Variants in ALX4 observed in about 807,000 individuals in gnomAD.
ALX4 encodes the protein ALX homeobox 4, also known as homeobox protein aristaless-like 4.
ALX4 carries 22 observed loss-of-function variants against 40.6 expected under a neutral mutation model. The observed-to-expected ratio is 0.54, with a 90% CI of 0.39 to 0.77. The LOEUF (loss-of-function observed/expected upper bound fraction) is 0.77, where lower values mean the gene tolerates loss of function less well. Among genes scored for constraint, ALX4 ranks in the 30% least tolerant of loss-of-function variants. The pLI, the probability that ALX4 is intolerant of heterozygous loss-of-function variation, is 0.00. For missense variants in ALX4, 556 were observed against 564.8 expected, an observed-to-expected ratio of 0.98 and a Z score of 0.16; for synonymous variants, 266 against 240.5, an observed-to-expected ratio of 1.11 and a Z score of -0.98.
intron 1 of ALX4, among the ~76,000 whole-genome samples, chr11:44,281,814 T>G (rs1956312112): frequency 6.6e-6 from 1 of 152,098 alleles, no homozygotes; most frequent in Admixed American, 6.6e-5. Context: ...GCCAAAGGGG[T>G]AGTAGTGACT....
At chr11:44,282,741 T>C (rs1398139305) in intron 1 of ALX4, among the ~76,000 whole-genome samples, 1 of 152,148 alleles carries the variant, frequency 6.6e-6, no homozygotes, top group Admixed American at 6.5e-5. Context: ...GAAGTGCAAC[T>C]GCACTCAGCT....
intron 1 of ALX4, among the ~76,000 whole-genome samples, chr11:44,282,164 A>G (rs536375320): frequency 9.2e-5 from 14 of 152,366 alleles, no homozygotes; most frequent in Admixed American, 3.3e-4. Flanking sequence ...AGTGTAGTTA[A>G]TAGTAATATT....
chr11:44,300,760 T>C (rs965984316), intron 1 of ALX4, among the ~76,000 whole-genome samples: 2 of 152,082 alleles, frequency 1.3e-5, no homozygotes, highest in Non-Finnish European at 2.9e-5. Context: ...ACTATTTCCA[T>C]AGAAAAACCA....
intron 1 of ALX4, among the ~76,000 whole-genome samples, chr11:44,290,346 C>G (rs1322539291): frequency 6.6e-6 from 1 of 152,238 alleles, no homozygotes; most frequent in Admixed American, 6.5e-5. Context: ...TGGGCTTGGC[C>G]CCTGGCTCTG....
At chr11:44,304,089 G>A (rs1458366726) in intron 1 of ALX4, among the ~76,000 whole-genome samples, 2 of 151,792 alleles carry the variant, frequency 1.3e-5, no homozygotes, top group African/African-American at 4.9e-5. Context: ...CTTCTCACCT[G>A]TCTAGTGGCA....
At chr11:44,274,274 G>A (rs1956265139) in intron 2 of ALX4, among the ~76,000 whole-genome samples, 1 of 151,994 alleles carries the variant, frequency 6.6e-6, no homozygotes, top group South Asian at 2.1e-4. Context: ...TGGGTTGAGT[G>A]TGTCAGGTTC....
chr11:44,302,396 G>A (rs546056907), intron 1 of ALX4, among the ~76,000 whole-genome samples: 1 of 152,328 alleles, frequency 6.6e-6, no homozygotes, highest in African/African-American at 2.4e-5. Flanking sequence ...GCTGGCTCCT[G>A]GGTGCACTTA....
intron 1 of ALX4, among the ~76,000 whole-genome samples, chr11:44,309,123 G>T (rs935507418): frequency 8.1e-6 from 1 of 123,218 alleles, no homozygotes; most frequent in Non-Finnish European, 1.9e-5. Context: ...CCTCCCAGCC[G>T]GCGAGGAGCG....
Position 44,262,336 on chromosome 11 carries a change from G to C in ALX4, c.*2518C>G, listed in dbSNP as rs1034187987. 1 of 152,334 alleles carries C rather than the reference G, an allele frequency of 6.6e-6. No homozygotes were observed. The highest frequency in any genetic ancestry group is 6.5e-5 in the Admixed American group (1 of 15,290). The allele number at this position is 152,334 out of a possible 1,614,324, so 9.4% of individuals were successfully genotyped here. On this transcript the variant is annotated 3_prime_UTR_variant, in exon 4 of 4. Transcript: ENST00000652299. ...GGGCTGGGCCAAGCCACAGAGGACA[G>C]GCCTGGGGTACGTGGCTGCCTTTGA...
At chr11:44,309,149 T>TGCTGTCCGCAGCCCCGCAGCCCC (rs1565013017) in intron 1 of ALX4, among the ~76,000 whole-genome samples, 1 of 70,974 alleles carries the variant, frequency 1.4e-5, no homozygotes, top group Non-Finnish European at 3.4e-5. Context: ...TCTGCAGTCC[T>TGCTGTCCGCAGCCCCGCAGCCCC]GCTGTCCCGC....
At chr11:44,269,648 TC>T (rs1564999335) in intron 2 of ALX4, among the ~76,000 whole-genome samples, 1 of 152,178 alleles carries the variant, frequency 6.6e-6, no homozygotes, top group Non-Finnish European at 1.5e-5. Context: ...TGCCCTGGCC[TC>T]CCAGGGCCCC....
At chr11:44,270,118 G>A (rs1012590807) in intron 2 of ALX4, among the ~76,000 whole-genome samples, 2 of 152,186 alleles carry the variant, frequency 1.3e-5, no homozygotes, top group African/African-American at 2.4e-5. Flanking sequence ...GGTGGCCAGC[G>A]CCTGGCAAAG....
intron 1 of ALX4, among the ~76,000 whole-genome samples, chr11:44,302,956 G>A (rs1046593272): frequency 6.6e-6 from 1 of 152,188 alleles, no homozygotes; most frequent in Admixed American, 6.5e-5. Flanking sequence ...ATTTCATACA[G>A]CTAAAATTCA....
Position 44,291,046 on chromosome 11 carries a change from C to G in ALX4, c.467-15388G>C, listed in dbSNP as rs1159183371. Among the ~76,000 whole-genome samples the G allele has an allele frequency of 2.6e-5, 4 of 152,310 alleles. No homozygotes were observed. The East Asian group carries it at 7.7e-4, about 29-fold the overall frequency. On this transcript the variant is annotated intron_variant, in intron 1 of 3. Transcript: ENST00000652299. ...TTCCCCAGGTGCATCCTCTCCAGTT[C>G]AGGTTTCCCGAGCGGCAGCTCCCAG...
chr11:44,277,647 A>C (rs890718079), intron 1 of ALX4, among the ~76,000 whole-genome samples: 7 of 152,216 alleles, frequency 4.6e-5, no homozygotes, highest in African/African-American at 1.4e-4. Flanking sequence ...CTGAGGGCTG[A>C]AGCTTCAGAC....
At chr11:44,280,471 C>T (rs578043875) in intron 1 of ALX4, among the ~76,000 whole-genome samples, 5 of 152,342 alleles carry the variant, frequency 3.3e-5, no homozygotes, top group African/African-American at 9.6e-5. Context: ...AGCGTGGGTC[C>T]AGGCCACCCG....
intron 1 of ALX4, among the ~76,000 whole-genome samples, chr11:44,297,945 T>C (rs756683997): frequency 7.9e-5 from 12 of 152,172 alleles, no homozygotes; most frequent in Non-Finnish European, 1.2e-4. Flanking sequence ...CCACTTCGAA[T>C]GTCCATGCTC....
chr11:44,309,758 G>T lies in ALX4; in HGVS notation c.305C>A (p.Pro102Gln), dbSNP rs747374643. The change falls in exon 1 of 4, where the codon CCG (proline) becomes CAG (glutamine). Residue 102 changes from proline (P) to glutamine (Q), a missense_variant. Coordinates refer to ENST00000652299, the MANE Select transcript of ALX4 (RefSeq NM_021926.4). ...CTGCTGCTGCGGCTGCGGCTGCGGC[G>T]GCGGCTGGGGCTGCGGGGTCGACGG... ...PQPSTPQPQP[P>Q]PQPQPQQQQP... The T allele has an allele frequency of 1.9e-6, 3 of 1,545,074 alleles. No individual in the cohort carries two copies. The highest frequency in any genetic ancestry group is 2.6e-6 in the Non-Finnish European group (3 of 1,144,914).
At chr11:44,275,259 G>T in intron 2 of ALX4, 89 bp downstream of exon 2, 1 of 1,339,834 alleles carries the variant, frequency 7.5e-7, no homozygotes, top group East Asian at 2.3e-5. Context: ...TGGTGTGGTT[G>T]GTGGGCAGTC....
Sources: allele counts gnomAD v4.1 joint callset (sites outside exome capture counted in the v4.1 genomes callset), GRCh38; gene constraint gnomAD v4.1.1; transcripts MANE v1.5; gene names NCBI Gene and HGNC (gene_info 2026-07-23, HGNC 2026-07-21).